The following TNNI3K variants were observed in gnomAD, a reference collection of about 807,000 sequenced individuals.
TNNI3K encodes serine/threonine-protein kinase TNNI3K.
Under a neutral mutation model 114.5 loss-of-function variants are expected in TNNI3K, and 140 were observed. That is an observed-to-expected ratio of 1.22 (90% CI 1.07 to 1.41). TNNI3K has a LOEUF of 1.41. Among genes scored for constraint, TNNI3K ranks in the 40% most tolerant of loss-of-function variants. TNNI3K has a pLI of 0.00. For missense variants in TNNI3K, 1,125 were observed against 1,007.6 expected (o/e 1.12, Z -1.58); for synonymous variants, 347 against 347.5 (o/e 1.00, Z 0.02).
chr1:74,513,993 G>A (rs777166370), intron 23 of TNNI3K, among the ~76,000 whole-genome samples: 18 of 152,190 alleles, frequency 1.2e-4, no homozygotes, highest in Non-Finnish European at 2.4e-4. Context: ...ATCTTTGGTT[G>A]TACAGTGCCT....
chr1:74,267,526 G>A (rs1156991450), intron 4 of TNNI3K, among the ~76,000 whole-genome samples: 1 of 151,890 alleles, frequency 6.6e-6, no homozygotes, highest in East Asian at 1.9e-4. Context: ...AGTGACATCG[G>A]CTATAAAATA....
intron 21 of TNNI3K, among the ~76,000 whole-genome samples, chr1:74,467,142 T>C (rs896677507): frequency 6.6e-6 from 1 of 152,098 alleles, no homozygotes. Flanking sequence ...AAAAACAGTC[T>C]AAGCAACCAG....
chr1:74,533,813 CA>C (rs1399483528), intron 23 of TNNI3K, among the ~76,000 whole-genome samples: 1 of 152,036 alleles, frequency 6.6e-6, no homozygotes, highest in Non-Finnish European at 1.5e-5. Context: ...ATCACAAGGA[CA>C]AAAAACCAAA....
intron 24 of TNNI3K, among the ~76,000 whole-genome samples, chr1:74,543,623 ACAT>A (rs1646753097): frequency 1.3e-5 from 2 of 152,170 alleles, no homozygotes; most frequent in Admixed American, 6.5e-5. Flanking sequence ...AGCCACCCTG[ACAT>A]GCCATCTGCC....
chr1:74,313,574 C>G (rs949081412), intron 5 of TNNI3K, among the ~76,000 whole-genome samples: 22 of 152,278 alleles, frequency 1.4e-4, no homozygotes, highest in African/African-American at 5.3e-4. Flanking sequence ...AGAGGACAAT[C>G]ATCTGCCTGC....
At chr1:74,543,129 C>T (rs1174900050) in intron 24 of TNNI3K, among the ~76,000 whole-genome samples, 3 of 112,622 alleles carry the variant, frequency 2.7e-5, no homozygotes, top group Admixed American at 1.4e-4. Flanking sequence ...GGCTGGAGTG[C>T]GGTGGTGCGA....
Position 74,236,165 on chromosome 1 carries a change from T to C in TNNI3K, c.104T>C (p.Leu35Pro). 1.2e-6 allele frequency: 2 copies of C among 1,608,234 alleles called. No individual in the cohort carries two copies. Among genetic ancestry groups the C allele is most frequent in the Non-Finnish European group, 1.7e-6 (2 of 1,175,980 alleles). ...ACAATAGAAAGATTAGAAGATGACCTGCAGATCAAGGAAAAAGAACTGACA... is the reference window on the plus strand; with the variant it reads ...ACAATAGAAAGATTAGAAGATGACCCGCAGATCAAGGAAAAAGAACTGACA... ...VITIERLEDD[L>P]QIKEKELTEL... Residue 35 changes from leucine (L) to proline (P), a missense_variant, in exon 2 of 25, where the codon CTG (leucine) becomes CCG (proline). Physicochemically the swap from Leu to Pro is moderately conservative, Grantham distance 98. Coordinates refer to ENST00000326637, the MANE Select transcript of TNNI3K (RefSeq NM_015978.3).
Position 74,271,728 on chromosome 1 carries a change from C to A in TNNI3K, c.444+20C>A. ...CTAGAGGTAAGTCATGCCTTTGGCACCTGTGAAAACAAAGGTTATTTACCT... is the reference window on the plus strand; with the variant it reads ...CTAGAGGTAAGTCATGCCTTTGGCAACTGTGAAAACAAAGGTTATTTACCT... On this transcript the variant is annotated intron_variant, in intron 5 of 24. Transcript: ENST00000326637. 6.3e-7 allele frequency: 1 copy of A among 1,581,500 alleles called. No homozygotes were observed. Among genetic ancestry groups the A allele is most frequent in the Non-Finnish European group, 8.6e-7 (1 of 1,158,444 alleles).
At chr1:74,523,327 A>G (rs1028980491) in intron 23 of TNNI3K, among the ~76,000 whole-genome samples, 4 of 152,228 alleles carry the variant, frequency 2.6e-5, no homozygotes, top group Admixed American at 2.6e-4. Context: ...GTATCATCAA[A>G]TTTTGAGCAT....
intron 17 of TNNI3K, among the ~76,000 whole-genome samples, chr1:74,390,055 C>T (rs1663684008): frequency 6.6e-6 from 1 of 152,114 alleles, no homozygotes; most frequent in Admixed American, 6.5e-5. Context: ...ATGAATAGCA[C>T]TGGCAGAGCA....
intron 20 of TNNI3K, among the ~76,000 whole-genome samples, chr1:74,462,807 T>C (rs1667507925): frequency 6.6e-6 from 1 of 152,216 alleles, no homozygotes; most frequent in African/African-American, 2.4e-5. Context: ...AGATGAGCGA[T>C]ATTCAGAAAT....
At chr1:74,479,850 T>G (rs1668391148) in intron 21 of TNNI3K, among the ~76,000 whole-genome samples, 1 of 152,228 alleles carries the variant, frequency 6.6e-6, no homozygotes, top group Non-Finnish European at 1.5e-5. Flanking sequence ...TCCTGTATTA[T>G]ACACAAGGAA....
rs1181734930 is a variant in TNNI3K, at chr1:74,331,287, TA to T, written c.445-156del. ...AAGGAAATTTAGTCTTTATCTTTCA[TA>T]AAAAAACAGGACACTGGAGGTCTTG... On this transcript the variant is annotated intron_variant, in intron 5 of 24. Coordinates refer to ENST00000326637, the MANE Select transcript of TNNI3K (RefSeq NM_015978.3). Among the ~76,000 whole-genome samples the T allele has an allele frequency of 3.9e-5, 6 of 152,248 alleles. No homozygotes were observed. In the South Asian group the frequency reaches 6.2e-4, roughly 16 times the overall value.
At chr1:74,478,830 C>T (rs1212762265) in intron 21 of TNNI3K, among the ~76,000 whole-genome samples, 1 of 152,184 alleles carries the variant, frequency 6.6e-6, no homozygotes, top group Non-Finnish European at 1.5e-5. Flanking sequence ...TAAGGGAAAC[C>T]TCTCTGCTGC....
chr1:74,414,891 A>G (rs1327482788), intron 17 of TNNI3K, among the ~76,000 whole-genome samples: 3 of 152,148 alleles, frequency 2.0e-5, no homozygotes, highest in African/African-American at 7.2e-5. Context: ...CTTTGTCCTA[A>G]CCTCAAAAAA....
intron 5 of TNNI3K, among the ~76,000 whole-genome samples, chr1:74,318,740 G>T (rs1331600688): frequency 2.6e-5 from 4 of 152,080 alleles, no homozygotes; most frequent in Non-Finnish European, 4.4e-5. Context: ...TAGTTATTTT[G>T]TTTCTTCCAC....
In TNNI3K at chr1:74,249,496, C is replaced by T. The variant is rs79045456; in HGVS notation, c.187C>T (p.Arg63Cys). 21 of 1,612,858 alleles carry T rather than the reference C, an allele frequency of 1.3e-5. No individual in the cohort carries two copies. The highest frequency in any genetic ancestry group is 8.9e-5 in the East Asian group (4 of 44,772). The part of the protein sequence containing the change: ...EAFSKVNLNY[R>C]TENGLSLLHL... ...CTTCAGTAAAGTCAATTTAAATTAC[C>T]GCACTGAAAATGGGCTGTCTCTACT... Residue 63 changes from arginine (R) to cysteine (C), a missense_variant, in exon 3 of 25, where the codon CGC becomes TGC. Physicochemically the swap from Arg to Cys is radical, Grantham distance 180. Coordinates refer to ENST00000326637, the MANE Select transcript of TNNI3K (RefSeq NM_015978.3).
chr1:74,484,963 G>A (rs556524800), intron 21 of TNNI3K, among the ~76,000 whole-genome samples: 1 of 152,126 alleles, frequency 6.6e-6, no homozygotes, highest in East Asian at 1.9e-4. Context: ...GTGGTGTAGA[G>A]AAGGATGAGA....
chr1:74,273,862 A>G (rs1656504469), intron 5 of TNNI3K, among the ~76,000 whole-genome samples: 1 of 151,948 alleles, frequency 6.6e-6, no homozygotes, highest in South Asian at 2.1e-4. Flanking sequence ...TGGGGGACTA[A>G]TTAAATTATT....
Sources: gnomAD v4.1 joint callset for allele counts (sites outside exome capture counted in the v4.1 genomes callset) on GRCh38, gnomAD v4.1.1 for gene constraint, MANE v1.5 for transcripts, NCBI Gene and HGNC (gene_info 2026-07-23, HGNC 2026-07-21) for gene names.